The following DLGAP2 variants were observed in gnomAD, a reference collection of about 807,000 sequenced individuals.
DLGAP2 encodes the protein disks large-associated protein 2.
Under a neutral mutation model 100.3 loss-of-function variants are expected in DLGAP2, and 26 were observed. That is an observed-to-expected ratio of 0.26 (90% CI 0.19 to 0.36). The LOEUF (loss-of-function observed/expected upper bound fraction) is 0.36, where lower values mean the gene tolerates loss of function less well. DLGAP2 is among the 10% of genes least tolerant of loss of function. The pLI, the probability that DLGAP2 is intolerant of heterozygous loss-of-function variation, is 1.00. For synonymous variants in DLGAP2, 886 were observed against 630.1 expected, an observed-to-expected ratio of 1.41 and a Z score of -6.08; for missense variants, 1,858 against 1,453.2, an observed-to-expected ratio of 1.28 and a Z score of -4.53.
At chr8:1,104,020 G>A (rs964639745) in intron 2 of DLGAP2, among the ~76,000 whole-genome samples, 3 of 152,188 alleles carry the variant, frequency 2.0e-5, no homozygotes, top group East Asian at 1.9e-4. Flanking sequence ...AGAACACAAA[G>A]CGCTTGCTTG....
chr8:1,362,405 G>A (rs1802002474), intron 3 of DLGAP2, among the ~76,000 whole-genome samples: 1 of 151,524 alleles, frequency 6.6e-6, no homozygotes, highest in Non-Finnish European at 1.5e-5. Context: ...CATGCGGACA[G>A]CAGTCCCGCC....
rs1286215732 is a variant in DLGAP2 at position 1,465,072 on chromosome 8, G to C, written c.107-36294G>C. On this transcript the variant is annotated intron_variant, in intron 3 of 14. Coordinates refer to ENST00000637795, the MANE Select transcript of DLGAP2 (RefSeq NM_001346810.2). The stretch of plus-strand genomic sequence containing the variant: ...CCAGCTCTGCAGGGGTCACCAGCCA[G>C]GGATCCCCTAATTCAGCACATTCAC... Among the ~76,000 whole-genome samples, 3 of 152,214 alleles carry C rather than the reference G, an allele frequency of 2.0e-5. No homozygotes were observed. In the East Asian group the frequency reaches 5.8e-4, roughly 29 times the overall value.
At chr8:1,518,517 C>T (rs1800473102) in intron 4 of DLGAP2, among the ~76,000 whole-genome samples, 1 of 152,170 alleles carries the variant, frequency 6.6e-6, no homozygotes, top group Non-Finnish European at 1.5e-5. Flanking sequence ...AAGAGCATGG[C>T]TGTGGTGACT....
At chr8:1,080,713 G>A (rs1205841491) in intron 2 of DLGAP2, among the ~76,000 whole-genome samples, 4 of 152,206 alleles carry the variant, frequency 2.6e-5, no homozygotes, top group Non-Finnish European at 5.9e-5. Context: ...TTCAGCTCAT[G>A]CATCTGGATC....
intron 1 of DLGAP2, among the ~76,000 whole-genome samples, chr8:870,643 T>C (rs1204806735): frequency 6.6e-6 from 1 of 152,154 alleles, no homozygotes; most frequent in African/African-American, 2.4e-5. Flanking sequence ...CCTGTGGCCA[T>C]GGCCCTAATC....
intron 2 of DLGAP2, among the ~76,000 whole-genome samples, chr8:1,219,239 A>G (rs1156382441): frequency 6.6e-6 from 1 of 152,172 alleles, no homozygotes; most frequent in African/African-American, 2.4e-5. Context: ...CCCATTCAAT[A>G]TGATGTTGGC....
At chr8:1,440,026 A>C (rs1797782530) in intron 3 of DLGAP2, among the ~76,000 whole-genome samples, 1 of 152,210 alleles carries the variant, frequency 6.6e-6, no homozygotes, top group Admixed American at 6.5e-5. Context: ...TGAGGATGTA[A>C]AGATACAGAT....
intron 1 of DLGAP2, among the ~76,000 whole-genome samples, chr8:787,230 A>G (rs1821891699): frequency 6.6e-6 from 1 of 152,000 alleles, no homozygotes; most frequent in Admixed American, 6.6e-5. Flanking sequence ...TCCTGTCTCA[A>G]TCGCTCGTGT....
In DLGAP2 at chr8:1,044,550, G is replaced by A. The variant is rs145843695; in HGVS notation, c.73+136584G>A. Among the ~76,000 whole-genome samples the A allele has an allele frequency of 1.3e-3, 203 of 152,328 alleles. 1 individual carries two copies. The highest frequency in any genetic ancestry group is 4.5e-3 in the African/African-American group (189 of 41,578). On this transcript the variant is annotated intron_variant, in intron 2 of 14. Transcript: ENST00000637795. ...CCAGTTTGGGATCAGGAGTGTCAAA[G>A]TGTGCATGTGACCTGGCAGGACACG...
chr8:1,433,071 T>G (rs1004313226), intron 3 of DLGAP2, among the ~76,000 whole-genome samples: 1 of 152,178 alleles, frequency 6.6e-6, no homozygotes, highest in East Asian at 1.9e-4. Context: ...GCACTTAACA[T>G]AGGCTTTGGG....
intron 3 of DLGAP2, among the ~76,000 whole-genome samples, chr8:1,486,092 C>T (rs184797537): frequency 1.3e-4 from 20 of 152,296 alleles, no homozygotes; most frequent in South Asian, 6.2e-4. Context: ...TCTCTGCTCG[C>T]GTCCCGTGCT....
At chr8:1,505,683 G>A (rs1016851270) in intron 4 of DLGAP2, among the ~76,000 whole-genome samples, 6 of 152,200 alleles carry the variant, frequency 3.9e-5, no homozygotes, top group African/African-American at 1.4e-4. Context: ...CGAATACCTT[G>A]AAAGAGAAAA....
At chr8:1,332,234 G>C (rs1801173753) in intron 3 of DLGAP2, among the ~76,000 whole-genome samples, 1 of 152,164 alleles carries the variant, frequency 6.6e-6, no homozygotes, top group African/African-American at 2.4e-5. Flanking sequence ...GAGTGTGCCT[G>C]CATATGTGAG....
At chr8:1,047,326 C>T (rs977571472) in intron 2 of DLGAP2, among the ~76,000 whole-genome samples, 1 of 152,136 alleles carries the variant, frequency 6.6e-6, no homozygotes, top group Admixed American at 6.6e-5. Context: ...ATCTCTTATC[C>T]CAAAGTTTTG....
At chr8:1,693,015 CTA>C (rs1382802786) in intron 13 of DLGAP2, among the ~76,000 whole-genome samples, 1 of 147,604 alleles carries the variant, frequency 6.8e-6, no homozygotes, top group African/African-American at 2.5e-5. Flanking sequence ...TCATATGCAT[CTA>C]TATGTTTATA....
At chr8:1,214,826 C>T (rs1021169679) in intron 2 of DLGAP2, among the ~76,000 whole-genome samples, 2 of 152,244 alleles carry the variant, frequency 1.3e-5, no homozygotes, top group Admixed American at 1.3e-4. Flanking sequence ...ACATAACATT[C>T]TTTAATGAAT....
At chr8:1,184,916 C>G (rs1797466860) in intron 2 of DLGAP2, among the ~76,000 whole-genome samples, 1 of 152,118 alleles carries the variant, frequency 6.6e-6, no homozygotes, top group African/African-American at 2.4e-5. Flanking sequence ...CTCACTTGCC[C>G]CAAATCATAT....
intron 6 of DLGAP2, among the ~76,000 whole-genome samples, chr8:1,603,215 T>A (rs1453203511): frequency 2.0e-5 from 3 of 150,306 alleles, no homozygotes; most frequent in African/African-American, 7.4e-5. Flanking sequence ...CAGAGCTGGT[T>A]AGAGTGGAGG....
Position 783,092 on chromosome 8 carries a change from T to A in DLGAP2, c.18+45267T>A, listed in dbSNP as rs201865192. ...AGATTCTGCCTTTTCTAGGACATCA[T>A]CTCACAATGACAGATAATGTGACCA... On this transcript the variant is annotated intron_variant, in intron 1 of 14. Coordinates refer to ENST00000637795, the MANE Select transcript of DLGAP2 (RefSeq NM_001346810.2). Among the ~76,000 whole-genome samples, 5 of 152,224 alleles carry A rather than the reference T, an allele frequency of 3.3e-5. No individual in the cohort carries two copies. In the East Asian group the frequency reaches 5.8e-4, roughly 18 times the overall value.
Sources: gnomAD v4.1 joint callset for allele counts (sites outside exome capture counted in the v4.1 genomes callset) on GRCh38, gnomAD v4.1.1 for gene constraint, MANE v1.5 for transcripts, NCBI Gene and HGNC (gene_info 2026-07-23, HGNC 2026-07-21) for gene names.